SLC4A10: variants seen among roughly 807,000 people sequenced by gnomAD.
SLC4A10 encodes the protein sodium-driven chloride bicarbonate exchanger.
In SLC4A10, 42 loss-of-function variants were observed where a neutral mutation model predicts 137.7. The observed-to-expected ratio is 0.30, with a 90% CI of 0.24 to 0.39. SLC4A10 has a LOEUF of 0.39. Among genes scored for constraint, SLC4A10 ranks in the 10% least tolerant of loss-of-function variants. The probability of loss-of-function intolerance (pLI) is 1.00; values close to 1 mark genes in which losing one functional copy is unlikely to be tolerated. For synonymous variants in SLC4A10, 474 were observed against 464.1 expected (o/e 1.02, Z -0.27); for missense variants, 925 against 1,355.0 (o/e 0.68, Z 4.98).
chr2:161,753,464 A>G (rs1195914817), intron 1 of SLC4A10, among the ~76,000 whole-genome samples: 1 of 152,220 alleles, frequency 6.6e-6, no homozygotes, highest in African/African-American at 2.4e-5. Context: ...TAGGCAGATC[A>G]AAGTTCAAAT....
chr2:161,710,976 A>G (rs916498201), intron 1 of SLC4A10, among the ~76,000 whole-genome samples: 6 of 151,868 alleles, frequency 4.0e-5, no homozygotes, highest in Non-Finnish European at 7.4e-5. Flanking sequence ...AACTTAATCT[A>G]TAAGCTGATG....
chr2:161,732,324 G>T (rs760151053), intron 1 of SLC4A10, among the ~76,000 whole-genome samples: 4 of 152,166 alleles, frequency 2.6e-5, no homozygotes, highest in Non-Finnish European at 5.9e-5. Flanking sequence ...CCTAAGGGTT[G>T]CCAGCCATTA....
At position 161,847,464 on chromosome 2, in the gene SLC4A10, A is replaced by G. The variant is rs140356667; in HGVS notation, c.417-7506A>G. Among the ~76,000 whole-genome samples the G allele has an allele frequency of 6.0e-3, 910 of 151,832 alleles. 5 individuals are homozygous for G. The highest frequency in any genetic ancestry group is 0.044 in the Middle Eastern group (13 of 294). ...TTGTCAGCTGTTAGGTAGTTTTTCA[A>G]TCCTCCCATTCCTCCACCTTACCTG... On this transcript the variant is annotated intron_variant, in intron 4 of 26. Coordinates refer to ENST00000446997, the MANE Select transcript of SLC4A10 (RefSeq NM_001178015.2).
intron 15 of SLC4A10, among the ~76,000 whole-genome samples, chr2:161,906,948 C>T (rs1012937303): frequency 6.7e-5 from 10 of 148,944 alleles, no homozygotes; most frequent in East Asian, 4.2e-4. Flanking sequence ...CCCAGCTACG[C>T]GGGAGGCTGA....
chr2:161,687,705 G>GTCGA (rs1478490557), intron 1 of SLC4A10, among the ~76,000 whole-genome samples: 1 of 152,124 alleles, frequency 6.6e-6, no homozygotes, highest in Non-Finnish European at 1.5e-5. Context: ...TGGGGACCGG[G>GTCGA]TCGATGTAAG....
At chr2:161,929,165 T>G (rs1208713513) in intron 15 of SLC4A10, among the ~76,000 whole-genome samples, 1 of 152,190 alleles carries the variant, frequency 6.6e-6, no homozygotes, top group Non-Finnish European at 1.5e-5. Flanking sequence ...TGCCACTTAA[T>G]AAACAGATTC....
At chr2:161,718,108 T>C (rs1313761693) in intron 1 of SLC4A10, among the ~76,000 whole-genome samples, 3 of 152,216 alleles carry the variant, frequency 2.0e-5, no homozygotes, top group Non-Finnish European at 4.4e-5. Context: ...GTGTTTATAG[T>C]ATTCTCTGAT....
At chr2:161,855,162 G>A in intron 5 of SLC4A10, 32 bp downstream of exon 5, 2 of 1,557,090 alleles carry the variant, frequency 1.3e-6, no homozygotes, top group Non-Finnish European at 1.7e-6. Context: ...GTATTTTATA[G>A]GTACAGCTAA....
chr2:161,907,637 G>C (rs1684761677), intron 15 of SLC4A10, among the ~76,000 whole-genome samples: 1 of 152,224 alleles, frequency 6.6e-6, no homozygotes, highest in Admixed American at 6.5e-5. Flanking sequence ...TTGAGGTTCA[G>C]AGAAGGCTTC....
intron 1 of SLC4A10, among the ~76,000 whole-genome samples, chr2:161,726,071 T>A (rs953544499): frequency 6.6e-6 from 1 of 152,226 alleles, no homozygotes. Context: ...GTATCATCTA[T>A]TAATGATGTC....
Position 161,950,490 on chromosome 2 carries a change from GA to G in SLC4A10, c.2380-187del, listed in dbSNP as rs200485921. On this transcript the variant is annotated intron_variant, in intron 18 of 26. Coordinates refer to ENST00000446997, the MANE Select transcript of SLC4A10 (RefSeq NM_001178015.2). Reference sequence around the variant, plus strand: ...TGTGTCATCTTTAGAGTGTTGTGAAGAAAAAAAAAATGAGTTAAAATATTTA... The same window carrying G: ...TGTGTCATCTTTAGAGTGTTGTGAAGAAAAAAAAATGAGTTAAAATATTTA... 6.5e-3 allele frequency among the ~76,000 whole-genome samples: 956 copies of G among 146,298 alleles called. 3 individuals are homozygous for G. Among genetic ancestry groups the G allele is most frequent in the Middle Eastern group, 0.025 (7 of 282 alleles).
chr2:161,800,903 T>C (rs1049533349), intron 2 of SLC4A10, among the ~76,000 whole-genome samples: 5 of 152,036 alleles, frequency 3.3e-5, no homozygotes, highest in Admixed American at 2.6e-4. Flanking sequence ...GAATGACACC[T>C]TTCCATCTTG....
intron 4 of SLC4A10, among the ~76,000 whole-genome samples, chr2:161,842,785 A>AG (rs2059264754): frequency 6.6e-6 from 1 of 152,148 alleles, no homozygotes. Flanking sequence ...CATCTTCTTT[A>AG]TTTGGTGACA....
chr2:161,957,896 ATTAT>A (rs1695947881), intron 20 of SLC4A10, among the ~76,000 whole-genome samples: 1 of 152,214 alleles, frequency 6.6e-6, no homozygotes, highest in Non-Finnish European at 1.5e-5. Flanking sequence ...TTTTAATTAA[ATTAT>A]TTAATGATTT....
intron 15 of SLC4A10, among the ~76,000 whole-genome samples, chr2:161,907,482 C>T (rs559482672): frequency 6.6e-6 from 1 of 152,284 alleles, no homozygotes; most frequent in South Asian, 2.1e-4. Flanking sequence ...GCTAGGAAAA[C>T]CATGGTGAAT....
At chr2:161,969,407 C>T (rs1233740420) in intron 23 of SLC4A10, among the ~76,000 whole-genome samples, 1 of 152,172 alleles carries the variant, frequency 6.6e-6, no homozygotes, top group Non-Finnish European at 1.5e-5. Flanking sequence ...GGAACCCTGA[C>T]ATTTTGCACA....
At chr2:161,913,849 A>G (rs916753780) in intron 15 of SLC4A10, among the ~76,000 whole-genome samples, 2 of 152,156 alleles carry the variant, frequency 1.3e-5, no homozygotes, top group African/African-American at 4.8e-5. Flanking sequence ...CACTTTGTAT[A>G]TGATTTGATA....
chr2:161,946,999 T>C (rs976278090), intron 16 of SLC4A10, among the ~76,000 whole-genome samples: 1 of 152,060 alleles, frequency 6.6e-6, no homozygotes, highest in African/African-American at 2.4e-5. Context: ...TCATTGTTCT[T>C]AGTCAATAAG....
chr2:161,728,611 G>A (rs2046486927), intron 1 of SLC4A10, among the ~76,000 whole-genome samples: 1 of 151,956 alleles, frequency 6.6e-6, no homozygotes, highest in South Asian at 2.1e-4. Context: ...TTTTTCACTG[G>A]AGAATTCTCT....
Sources: allele counts gnomAD v4.1 joint callset (sites outside exome capture counted in the v4.1 genomes callset), GRCh38; gene constraint gnomAD v4.1.1; transcripts MANE v1.5; gene names NCBI Gene and HGNC (gene_info 2026-07-23, HGNC 2026-07-21).